Variants in DLGAP4 observed in about 807,000 individuals in gnomAD.
DLGAP4 encodes DLG associated protein 4, also known as disks large-associated protein 4.
DLGAP4 carries 18 observed loss-of-function variants against 86.9 expected under a neutral mutation model. The ratio of observed to expected loss-of-function variants is 0.21; its 90% CI spans 0.14 to 0.31. The LOEUF (loss-of-function observed/expected upper bound fraction) is 0.31. Among genes scored for constraint, DLGAP4 ranks in the 10% least tolerant of loss-of-function variants. The pLI is 1.00. For missense variants in DLGAP4, 1,085 were observed against 1,362.6 expected, an observed-to-expected ratio of 0.80 and a Z score of 3.21; for synonymous variants, 548 against 574.3, an observed-to-expected ratio of 0.95 and a Z score of 0.65.
intron 11 of DLGAP4, among the ~76,000 whole-genome samples, chr20:36,524,975 T>C (rs2037618625): frequency 6.6e-6 from 1 of 151,448 alleles, no homozygotes; most frequent in Non-Finnish European, 1.5e-5. Context: ...TCCCAGCACT[T>C]TGGGAGGCCG....
intron 2 of DLGAP4, among the ~76,000 whole-genome samples, chr20:36,408,843 C>T (rs7363475): frequency 0.084 from 12,731 of 152,154 alleles, 688 homozygotes; most frequent in South Asian, 0.23. Context: ...AGAAAAAGGA[C>T]GTTAATGGAA....
chr20:36,495,045 T>A (rs1451919577), intron 7 of DLGAP4, among the ~76,000 whole-genome samples: 1 of 129,928 alleles, frequency 7.7e-6, no homozygotes, highest in Non-Finnish European at 1.5e-5. Context: ...TAGGCTGGAG[T>A]GCAGTGGCGT....
intron 10 of DLGAP4, among the ~76,000 whole-genome samples, chr20:36,520,509 G>C (rs952127135): frequency 1.3e-5 from 2 of 151,968 alleles, no homozygotes; most frequent in Non-Finnish European, 2.9e-5. Context: ...CACCAGCCTA[G>C]CTAATTTTTG....
chr20:36,381,041 A>G (rs997599286), intron 2 of DLGAP4, among the ~76,000 whole-genome samples: 5 of 152,258 alleles, frequency 3.3e-5, no homozygotes, highest in Non-Finnish European at 7.3e-5. Flanking sequence ...AGCTAGCATG[A>G]TCCACCTTAA....
chr20:36,461,996 C>A, intron 7 of DLGAP4: 8 of 985,182 alleles, frequency 8.1e-6, no homozygotes, highest in Non-Finnish European at 9.6e-6. Context: ...GCCCCCAGAT[C>A]TTTTGGGGTT....
chr20:36,484,070 G>A (rs1027815219), intron 7 of DLGAP4, among the ~76,000 whole-genome samples: 5 of 152,262 alleles, frequency 3.3e-5, no homozygotes, highest in Non-Finnish European at 5.9e-5. Context: ...GAAAGCCTGG[G>A]CTCAAATTCT....
chr20:36,389,138 A>G (rs1017078042), intron 2 of DLGAP4, among the ~76,000 whole-genome samples: 1 of 152,190 alleles, frequency 6.6e-6, no homozygotes, highest in African/African-American at 2.4e-5. Context: ...TAGACATCCA[A>G]GTGGAGATGT....
intron 2 of DLGAP4, among the ~76,000 whole-genome samples, chr20:36,383,095 G>A (rs566321017): frequency 6.6e-6 from 1 of 152,318 alleles, no homozygotes; most frequent in South Asian, 2.1e-4. Flanking sequence ...GGAGGACACT[G>A]GTATTCTGTT....
intron 2 of DLGAP4, among the ~76,000 whole-genome samples, chr20:36,430,921 C>T (rs1331837166): frequency 6.7e-6 from 1 of 148,800 alleles, no homozygotes; most frequent in Non-Finnish European, 1.5e-5. Flanking sequence ...CACCACTGCA[C>T]TCCAGCCTGG....
At chr20:36,397,299 T>C (rs1246158233) in intron 2 of DLGAP4, among the ~76,000 whole-genome samples, 1 of 152,210 alleles carries the variant, frequency 6.6e-6, no homozygotes, top group East Asian at 1.9e-4. Flanking sequence ...GGAACCCAAC[T>C]TGAGAAACAC....
intron 1 of DLGAP4, among the ~76,000 whole-genome samples, chr20:36,342,585 C>T (rs1048891444): frequency 3.3e-5 from 5 of 152,284 alleles, no homozygotes; most frequent in South Asian, 2.1e-4. Flanking sequence ...GATTGGGGCC[C>T]GCAGGGAGCA....
intron 7 of DLGAP4, chr20:36,461,657 C>T: frequency 8.7e-6 from 2 of 230,070 alleles, no homozygotes; most frequent in African/African-American, 2.3e-4. Context: ...AGACGGGGGC[C>T]GCCCCGCCCG....
chr20:36,340,308 TCCTTGGGATGC>T (rs1555892387), intron 1 of DLGAP4, among the ~76,000 whole-genome samples: 1 of 151,964 alleles, frequency 6.6e-6, no homozygotes. Flanking sequence ...GAAGGGGATG[TCCTTGGGATGC>T]CCATGCCGCA....
intron 1 of DLGAP4, among the ~76,000 whole-genome samples, chr20:36,331,232 A>G (rs2065264825): frequency 6.6e-6 from 1 of 152,204 alleles, no homozygotes; most frequent in African/African-American, 2.4e-5. Context: ...GTCTGCTCCC[A>G]GCCCTTCAGG....
chr20:36,401,964 G>A (rs947891199), intron 2 of DLGAP4, among the ~76,000 whole-genome samples: 5 of 152,178 alleles, frequency 3.3e-5, no homozygotes, highest in Non-Finnish European at 7.3e-5. Flanking sequence ...GGCTGGAGCC[G>A]AGTGAATGAC....
intron 1 of DLGAP4, among the ~76,000 whole-genome samples, chr20:36,315,975 C>G (rs996674372): frequency 2.2e-4 from 33 of 152,192 alleles, no homozygotes; most frequent in South Asian, 2.1e-4. Context: ...CTGTGGCTTT[C>G]AGGAACCATT....
chr20:36,411,221 C>G (rs1555899441), intron 2 of DLGAP4, among the ~76,000 whole-genome samples: 2 of 152,170 alleles, frequency 1.3e-5, no homozygotes, highest in Non-Finnish European at 2.9e-5. Context: ...AACTCGTGAC[C>G]TCAGGTGATC....
intron 1 of DLGAP4, among the ~76,000 whole-genome samples, chr20:36,331,293 G>A (rs2065265439): frequency 6.6e-6 from 1 of 152,232 alleles, no homozygotes; most frequent in African/African-American, 2.4e-5. Flanking sequence ...AGGCCAGGTG[G>A]GAGGGCCAAC....
chr20:36,380,732 C>T, intron 2 of DLGAP4, among the ~76,000 whole-genome samples: 1 of 152,150 alleles, frequency 6.6e-6, no homozygotes, highest in East Asian at 1.9e-4. Flanking sequence ...GGGCCCAGGC[C>T]TCTGACACCC....
Sources: gnomAD v4.1 joint callset for allele counts (sites outside exome capture counted in the v4.1 genomes callset) on GRCh38, gnomAD v4.1.1 for gene constraint, MANE v1.5 for transcripts, NCBI Gene and HGNC (gene_info 2026-07-23, HGNC 2026-07-21) for gene names.